SEPTIN9: variants seen among roughly 807,000 people sequenced by gnomAD.
SEPTIN9 encodes the protein septin-9.
Under a neutral mutation model 56.6 loss-of-function variants are expected in SEPTIN9, and 13 were observed. That is an observed-to-expected ratio of 0.23 (90% CI 0.15 to 0.37). The LOEUF is 0.37. Ranked by LOEUF, SEPTIN9 falls within the 10% of genes least tolerant of loss-of-function variation. SEPTIN9 has a pLI of 1.00. For missense variants in SEPTIN9, 650 were observed against 823.1 expected (o/e 0.79, Z 2.57); for synonymous variants, 332 against 334.1 (o/e 0.99, Z 0.07).
chr17:77,335,166 G>C (rs113078936), intron 2 of SEPTIN9, among the ~76,000 whole-genome samples: 1 of 149,850 alleles, frequency 6.7e-6, no homozygotes, highest in African/African-American at 2.5e-5. Flanking sequence ...CTGTATATGT[G>C]GTCCTATATT....
At chr17:77,465,540 A>G (rs1404663187) in intron 3 of SEPTIN9, among the ~76,000 whole-genome samples, 1 of 152,006 alleles carries the variant, frequency 6.6e-6, no homozygotes, top group Non-Finnish European at 1.5e-5. Context: ...CCAGGAGGCC[A>G]AAGCCCCCTT....
chr17:77,498,589 C>T lies in SEPTIN9; in HGVS notation c.1692C>T (p.Arg564=). ...SIHFEAYRVK[R]LNEGSSAMAN... ...ACTTCGAGGCGTACCGTGTGAAGCGCCTCAACGAGGGCAGCAGCGCCATGG... is the reference window on the plus strand; with the variant it reads ...ACTTCGAGGCGTACCGTGTGAAGCGTCTCAACGAGGGCAGCAGCGCCATGG... Residue 564 remains arginine (R), a synonymous_variant, in exon 12 of 12, where the codon CGC becomes CGT. Coordinates refer to ENST00000427177, the MANE Select transcript of SEPTIN9 (RefSeq NM_001113491.2). 2 of 1,607,974 alleles carry T rather than the reference C, an allele frequency of 1.2e-6. No individual in the cohort carries two copies. The highest frequency in any genetic ancestry group is 1.7e-6 in the Non-Finnish European group (2 of 1,177,782).
At position 77,351,164 on chromosome 17, in the gene SEPTIN9, C is replaced by A. The variant is rs1170943275; in HGVS notation, c.76+43967C>A. On this transcript the variant is annotated intron_variant, in intron 2 of 11. Transcript: ENST00000427177. ...AAGTGCCAGAAAGAATTTCCGTGAG[C>A]CTCTCCACCCTTCCCAAGGCTGCAC... Among the ~76,000 whole-genome samples, 3 of 152,018 alleles carry A rather than the reference C, an allele frequency of 2.0e-5. No homozygotes were observed. The East Asian group carries it at 5.8e-4, about 30-fold the overall frequency.
At chr17:77,361,458 C>T (rs965366284) in intron 2 of SEPTIN9, among the ~76,000 whole-genome samples, 2 of 152,092 alleles carry the variant, frequency 1.3e-5, no homozygotes, top group African/African-American at 4.8e-5. Context: ...GTTCTGGATA[C>T]CTGAAGCTTG....
At chr17:77,385,226 G>A (rs966776971) in intron 2 of SEPTIN9, among the ~76,000 whole-genome samples, 4 of 146,318 alleles carry the variant, frequency 2.7e-5, no homozygotes, top group African/African-American at 7.7e-5. Flanking sequence ...GCGGTGGCAC[G>A]TTCTTGGTTC....
chr17:77,363,116 C>T (rs1436077049), intron 2 of SEPTIN9, among the ~76,000 whole-genome samples: 3 of 152,186 alleles, frequency 2.0e-5, no homozygotes, highest in Non-Finnish European at 4.4e-5. Context: ...GTGACAGAGG[C>T]TGCCCAGGAC....
rs1008835490 is a variant in SEPTIN9 at position 77,326,977 on chromosome 17, C to G, written c.76+19780C>G. ...GAGCACATGGAAGCTCTGCGTCCCT[C>G]CCCCATACCTTGCCCTACACATCTC... On this transcript the variant is annotated intron_variant, in intron 2 of 11. Transcript: ENST00000427177. The surrounding 1 kb of genome is among the most constrained non-coding windows in gnomAD (Gnocchi z 5.1). Among the ~76,000 whole-genome samples the G allele has an allele frequency of 1.9e-4, 29 of 152,094 alleles. No homozygotes were observed. Among genetic ancestry groups the G allele is most frequent in the African/African-American group, 7.0e-4 (29 of 41,450 alleles).
rs1568016888 is a variant in SEPTIN9, at chr17:77,367,108, C to T, written c.77-34951C>T. Among the ~76,000 whole-genome samples, 1 of 151,952 alleles carries T rather than the reference C, an allele frequency of 6.6e-6. No individual in the cohort carries two copies. ...CAGAGGGTGTGATGGGGTGTGGTAG[C>T]TGCACACCGGCTCAGTCAGGCTGAA... On this transcript the variant is annotated intron_variant, in intron 2 of 11. Coordinates refer to ENST00000427177, the MANE Select transcript of SEPTIN9 (RefSeq NM_001113491.2). This position sits in a 1 kb window ranked among gnomAD's most constrained non-coding sequence, Gnocchi z 4.5.
At chr17:77,347,640 A>G (rs1017682002) in intron 2 of SEPTIN9, among the ~76,000 whole-genome samples, 1 of 151,892 alleles carries the variant, frequency 6.6e-6, no homozygotes, top group African/African-American at 2.4e-5. Context: ...TTTGGGATGC[A>G]TAAGAAGGCT....
chr17:77,378,958 G>T (rs898428150), intron 2 of SEPTIN9, among the ~76,000 whole-genome samples: 1 of 152,068 alleles, frequency 6.6e-6, no homozygotes, highest in African/African-American at 2.4e-5. Flanking sequence ...CAGCGGGGGC[G>T]CTGGCAGCCT....
At chr17:77,291,343 A>T (rs1366239932) in intron 1 of SEPTIN9, among the ~76,000 whole-genome samples, 4 of 150,198 alleles carry the variant, frequency 2.7e-5, no homozygotes, top group Non-Finnish European at 5.9e-5. Flanking sequence ...ATGCCTGGCT[A>T]ATTTTTAAAA....
chr17:77,495,553 G>A (rs542936173), intron 10 of SEPTIN9, among the ~76,000 whole-genome samples: 1 of 152,344 alleles, frequency 6.6e-6, no homozygotes, highest in African/African-American at 2.4e-5. Context: ...AGAGGCGGGT[G>A]ACGTTATTAT....
intron 2 of SEPTIN9, among the ~76,000 whole-genome samples, chr17:77,399,054 G>T (rs2035818469): frequency 6.6e-6 from 1 of 152,236 alleles, no homozygotes; most frequent in African/African-American, 2.4e-5. Flanking sequence ...CAGCCACGCA[G>T]ACAACTGGAG....
Position 77,482,893 on chromosome 17 carries a change from C to T in SEPTIN9, c.913+558C>T, listed in dbSNP as rs573008742. 7 of 289,836 alleles carry T rather than the reference C, an allele frequency of 2.4e-5. No individual in the cohort carries two copies. The East Asian group carries it at 2.6e-4, about 11-fold the overall frequency. The allele number at this position is 289,836 out of a possible 1,614,324, so 18.0% of individuals were successfully genotyped here. The stretch of plus-strand genomic sequence containing the variant: ...GGCCAGGCTGGAGTCTACAGTGGGC[C>T]GCCTGTTGTTTCCAAAGCCCCCCAG... On this transcript the variant is annotated intron_variant, in intron 4 of 11. Coordinates refer to ENST00000427177, the MANE Select transcript of SEPTIN9 (RefSeq NM_001113491.2).
At chr17:77,403,795 AT>A (rs535737945) in intron 3 of SEPTIN9, among the ~76,000 whole-genome samples, 1,727 of 152,218 alleles carry the variant, frequency 0.011, 5 homozygotes, top group Non-Finnish European at 0.019. Context: ...ACAATGTGCA[AT>A]TTTAGCCACT....
intron 2 of SEPTIN9, among the ~76,000 whole-genome samples, chr17:77,328,694 T>C (rs2143696494): frequency 6.6e-6 from 1 of 152,308 alleles, no homozygotes; most frequent in East Asian, 1.9e-4. Flanking sequence ...TGAGGCCTAC[T>C]ATGTGCAGCC....
chr17:77,485,447 G>A (rs2039736657), intron 4 of SEPTIN9, among the ~76,000 whole-genome samples: 1 of 151,690 alleles, frequency 6.6e-6, no homozygotes, highest in African/African-American at 2.4e-5. Flanking sequence ...TGACGGAAGT[G>A]GTGATGATGG....
chr17:77,406,280 C>G (rs2036067409), intron 3 of SEPTIN9, among the ~76,000 whole-genome samples: 1 of 152,208 alleles, frequency 6.6e-6, no homozygotes, highest in Non-Finnish European at 1.5e-5. Context: ...TCTCTCACAC[C>G]TTTCCTCACA....
intron 2 of SEPTIN9, chr17:77,320,274 C>T (rs989490028): frequency 2.7e-5 from 44 of 1,611,560 alleles, no homozygotes; most frequent in Non-Finnish European, 3.4e-5. Context: ...AAGGGGAGGC[C>T]GCCTCTGAGC....
Sources: allele counts gnomAD v4.1 joint callset (sites outside exome capture counted in the v4.1 genomes callset), GRCh38; gene constraint gnomAD v4.1.1; non-coding constraint Gnocchi (gnomAD v3.1); transcripts MANE v1.5; gene names NCBI Gene and HGNC (gene_info 2026-07-23, HGNC 2026-07-21).